Variants in CFAP58 observed in about 807,000 individuals in gnomAD.
CFAP58 encodes cilia- and flagella-associated protein 58.
In CFAP58, 88 loss-of-function variants were observed where a neutral mutation model predicts 119.5. The ratio of observed to expected loss-of-function variants is 0.74; its 90% confidence interval spans 0.62 to 0.88. The LOEUF (loss-of-function observed/expected upper bound fraction) is 0.88. Ranked by LOEUF, CFAP58 falls within the 40% of genes least tolerant of loss-of-function variation. The probability of loss-of-function intolerance (pLI) is 0.00; values close to 1 mark genes in which losing one functional copy is unlikely to be tolerated. For synonymous variants in CFAP58, 365 were observed against 366.3 expected (o/e 1.00, Z 0.04); for missense variants, 990 against 1,021.2 (o/e 0.97, Z 0.42).
Position 104,360,092 on chromosome 10 carries a change from A to G in CFAP58, c.291+1470A>G, listed in dbSNP as rs148211709. Reference sequence around the variant, plus strand: ...TGACCACGAATTTGTTACATTAAATACTCTCTTCCACCCATTTTATTCCTT... The same window carrying G: ...TGACCACGAATTTGTTACATTAAATGCTCTCTTCCACCCATTTTATTCCTT... On this transcript the variant is annotated intron_variant, in intron 2 of 17. Coordinates refer to ENST00000369704, the MANE Select transcript of CFAP58 (RefSeq NM_001008723.2). Among the ~76,000 whole-genome samples the G allele has an allele frequency of 1.1e-4, 16 of 152,282 alleles. No individual in the cohort carries two copies. The East Asian group carries it at 2.9e-3, about 28-fold the overall frequency.
upstream of CFAP58, chr10:104,353,173 T>C (rs1198855228): frequency 1.3e-5 from 2 of 152,218 alleles, no homozygotes; most frequent in African/African-American, 2.4e-5. Flanking sequence ...AGAAACGTTT[T>C]TGGGAGAGGG....
chr10:104,427,981 G>A (rs1017500752), intron 15 of CFAP58, among the ~76,000 whole-genome samples: 48 of 152,162 alleles, frequency 3.2e-4, no homozygotes, highest in African/African-American at 1.1e-3. Context: ...GCTGTTGAGG[G>A]GATGACATTT....
intron 7 of CFAP58, among the ~76,000 whole-genome samples, chr10:104,373,559 C>T (rs1408034757): frequency 6.6e-6 from 1 of 152,070 alleles, no homozygotes; most frequent in Non-Finnish European, 1.5e-5. Context: ...GAGGCTGAGG[C>T]AGGAGGATCA....
chr10:104,443,027 G>T (rs1012419956), intron 15 of CFAP58, among the ~76,000 whole-genome samples: 3 of 152,220 alleles, frequency 2.0e-5, no homozygotes, highest in Non-Finnish European at 2.9e-5. Flanking sequence ...TGCAGTCAAT[G>T]AAATTATTAA....
At chr10:104,399,839 C>T (rs537260590) in intron 12 of CFAP58, among the ~76,000 whole-genome samples, 6 of 152,074 alleles carry the variant, frequency 3.9e-5, no homozygotes, top group Non-Finnish European at 7.4e-5. Flanking sequence ...TGGGTGTTCA[C>T]ATGTATGTGT....
In CFAP58 at chr10:104,362,147, G is replaced by A; in HGVS notation, c.416G>A (p.Gly139Glu). Residue 139 changes from glycine to glutamate, a missense_variant, in exon 3 of 18, where the codon GGA becomes GAA. Gly to Glu is a moderately conservative substitution (Grantham distance 98). Transcript: ENST00000369704. ...NLTKLVEQGS[G>E]LSMDQHSNIR... is the part of the protein sequence containing the mutation. The stretch of plus-strand genomic sequence containing the variant: ...ACCAAACTAGTGGAGCAGGGGTCTG[G>A]ACTGTCAATGGACCAGCATAGCAAG... 1.2e-6 allele frequency: 2 copies of A among 1,613,716 alleles called. No homozygotes were observed. The highest frequency in any genetic ancestry group is 1.7e-5 in the Admixed American group (1 of 59,912).
chr10:104,437,120 T>C lies in CFAP58; in HGVS notation c.2257-10578T>C, dbSNP rs112730301. On this transcript the variant is annotated intron_variant, in intron 15 of 17. Transcript: ENST00000369704. ...TTTATTTGGGCAAGTCACTGACACT[T>C]CTGAACCTCAACTTCCTCATCTGGA... Among the ~76,000 whole-genome samples the C allele has an allele frequency of 3.6e-3, 542 of 152,352 alleles. 1 individual carries two copies. Among genetic ancestry groups the C allele is most frequent in the Non-Finnish European group, 5.4e-3 (370 of 68,024 alleles).
intron 15 of CFAP58, among the ~76,000 whole-genome samples, chr10:104,419,564 T>A (rs76348175): frequency 6.8e-6 from 1 of 146,240 alleles, no homozygotes; most frequent in Non-Finnish European, 1.5e-5. Context: ...TCTGTGTCCT[T>A]TTTTTTTTTT....
chr10:104,434,478 C>A (rs916983367), intron 15 of CFAP58, among the ~76,000 whole-genome samples: 2 of 152,086 alleles, frequency 1.3e-5, no homozygotes, highest in Admixed American at 1.3e-4. Flanking sequence ...AGGAATGAGC[C>A]CTTTTGGGAC....
chr10:104,399,472 G>T lies in CFAP58; in HGVS notation c.1787G>T (p.Arg596Met), dbSNP rs776541691. ...ATAATTGCTGAGGCTGACGGGGAGA[G>T]GTTGAGACAGAAGAAGGAATTAGAC... ...LRIIAEADGE[R>M]LRQKKELDQV... Residue 596 changes from arginine to methionine, a missense_variant, in exon 12 of 18, where the codon AGG becomes ATG. Physicochemically the swap from Arg to Met is moderately conservative, Grantham distance 91. Coordinates refer to ENST00000369704, the MANE Select transcript of CFAP58 (RefSeq NM_001008723.2). The T allele has an allele frequency of 1.5e-5, 24 of 1,613,612 alleles. No homozygotes were observed. Among genetic ancestry groups the T allele is most frequent in the Non-Finnish European group, 2.0e-5 (24 of 1,179,828 alleles).
intron 3 of CFAP58, among the ~76,000 whole-genome samples, chr10:104,363,743 A>T (rs1203386781): frequency 1.3e-5 from 2 of 152,220 alleles, no homozygotes; most frequent in African/African-American, 4.8e-5. Flanking sequence ...AAGTTTCCTT[A>T]TTAAACATTT....
intron 15 of CFAP58, among the ~76,000 whole-genome samples, chr10:104,427,505 G>A (rs1213023187): frequency 2.0e-5 from 3 of 152,108 alleles, no homozygotes; most frequent in African/African-American, 7.2e-5. Context: ...TTGATGGAAG[G>A]ATCTAACATT....
chr10:104,380,858 A>T (rs1451964713), intron 9 of CFAP58, among the ~76,000 whole-genome samples: 3 of 152,064 alleles, frequency 2.0e-5, no homozygotes, highest in Non-Finnish European at 4.4e-5. Context: ...AAGGAAAAAA[A>T]CTATTGTGAG....
intron 9 of CFAP58, among the ~76,000 whole-genome samples, chr10:104,380,573 A>G (rs1224851107): frequency 1.3e-5 from 2 of 152,140 alleles, no homozygotes; most frequent in Non-Finnish European, 2.9e-5. Flanking sequence ...CCCACCCAGC[A>G]TCTGTCACTG....
intron 9 of CFAP58, among the ~76,000 whole-genome samples, chr10:104,381,789 A>G (rs1027104468): frequency 6.6e-6 from 1 of 152,184 alleles, no homozygotes; most frequent in Non-Finnish European, 1.5e-5. Context: ...CTGGAGGAGC[A>G]CAGTGCCTTG....
Position 104,417,359 on chromosome 10 carries a change from A to T in CFAP58, c.2256+10566A>T, listed in dbSNP as rs1269464430. ...AAGAATGACATAAAGCACTTAGCAC[A>T]ATGCTTGAGATTTGGCCAGTGCTCA... is the stretch of plus-strand genomic sequence containing the variant. On this transcript the variant is annotated intron_variant, in intron 15 of 17. Transcript: ENST00000369704. 2.6e-5 allele frequency among the ~76,000 whole-genome samples: 4 copies of T among 152,346 alleles called. No homozygotes were observed. In the East Asian group the frequency reaches 5.8e-4, roughly 22 times the overall value.
chr10:104,422,541 G>A (rs985817592), intron 15 of CFAP58, among the ~76,000 whole-genome samples: 1 of 152,184 alleles, frequency 6.6e-6, no homozygotes, highest in African/African-American at 2.4e-5. Flanking sequence ...GGGTTCTCCT[G>A]GGCTGACATG....
Position 104,370,975 on chromosome 10 carries a change from G to A in CFAP58, c.1011G>A (p.Leu337=). 2 of 1,613,582 alleles carry A rather than the reference G, an allele frequency of 1.2e-6. No individual in the cohort carries two copies. Among genetic ancestry groups the A allele is most frequent in the Non-Finnish European group, 8.5e-7 (1 of 1,179,860 alleles). The change falls in exon 7 of 18, where the codon TTG becomes TTA. Residue 337 remains leucine (L), a synonymous_variant. Coordinates refer to ENST00000369704, the MANE Select transcript of CFAP58 (RefSeq NM_001008723.2). The part of the protein sequence containing the change: ...NKIREQIHKK[L]HHTEDQKAEV... ...TCAGAGAACAAATTCATAAGAAATT[G>A]CACCACACCGAAGATCAAAAGGCAG...
chr10:104,357,198 C>T (rs2014554310), intron 1 of CFAP58, among the ~76,000 whole-genome samples: 1 of 152,178 alleles, frequency 6.6e-6, no homozygotes, highest in Non-Finnish European at 1.5e-5. Context: ...AGGTTCTCAT[C>T]TAAGTAATAG....
Sources: gnomAD v4.1 joint callset for allele counts (sites outside exome capture counted in the v4.1 genomes callset) on GRCh38, gnomAD v4.1.1 for gene constraint, MANE v1.5 for transcripts, NCBI Gene and HGNC (gene_info 2026-07-23, HGNC 2026-07-21) for gene names.